Variants in GOLGA3 observed in about 807,000 individuals in gnomAD.
The protein encoded by GOLGA3 is golgin subfamily A member 3.
A neutral mutation model predicts 169.4 loss-of-function variants in GOLGA3; 75 were observed. The observed-to-expected ratio is 0.44, with a 90% confidence interval of 0.37 to 0.54. The LOEUF is 0.54. GOLGA3 is among the 20% of genes least tolerant of loss of function. The probability of loss-of-function intolerance (pLI) is 0.00; values close to 1 mark genes in which losing one functional copy is unlikely to be tolerated. For missense variants in GOLGA3, 1,899 were observed against 1,930.0 expected (o/e 0.98, Z 0.30); for synonymous variants, 824 against 822.4 (o/e 1.00, Z -0.03).
intron 4 of GOLGA3, among the ~76,000 whole-genome samples, chr12:132,811,476 A>ATT (rs202026810): frequency 5.3e-5 from 8 of 151,158 alleles, no homozygotes; most frequent in Admixed American, 2.0e-4. Context: ...TCATACTTGC[A>ATT]TTTTTATTTT....
intron 15 of GOLGA3, among the ~76,000 whole-genome samples, chr12:132,785,838 C>A (rs986718056): frequency 1.3e-5 from 2 of 152,232 alleles, no homozygotes; most frequent in African/African-American, 4.8e-5. Context: ...ACGGCCTCCA[C>A]GGAAGGCTCT....
In GOLGA3 at chr12:132,782,595, G is replaced by A; in HGVS notation, c.3268-102C>T. 4 of 928,850 alleles carry A rather than the reference G, an allele frequency of 4.3e-6. 1 individual carries two copies. Among genetic ancestry groups the A allele is most frequent in the South Asian group, 2.7e-5 (2 of 75,276 alleles). The allele number at this position is 928,850 out of a possible 1,614,324, so 57.5% of individuals were successfully genotyped here. A position where few individuals can be genotyped will look rare whatever the true frequency, so the allele number is the denominator to read the frequency against. ...TTCAACAAGAAACAGCGAAAACTTA[G>A]GCCAGGCGCAGAGGCTCACGCCTGT... On this transcript the variant is annotated intron_variant, in intron 16 of 23. Transcript: ENST00000450791.
At chr12:132,790,145 C>A (rs911991679) in intron 12 of GOLGA3, among the ~76,000 whole-genome samples, 1 of 151,936 alleles carries the variant, frequency 6.6e-6, no homozygotes, top group Non-Finnish European at 1.5e-5. Context: ...TCCTGGCTAA[C>A]ACGGTGAAAC....
intron 2 of GOLGA3, among the ~76,000 whole-genome samples, chr12:132,817,479 G>C (rs111953250): frequency 1.3e-4 from 4 of 31,554 alleles, no homozygotes; most frequent in African/African-American, 2.3e-4. Flanking sequence ...AGGTGAACCC[G>C]CCCTCCACTC....
At position 132,808,507 on chromosome 12, in the gene GOLGA3, C is replaced by T; in HGVS notation, c.562G>A (p.Asp188Asn). The change falls in exon 5 of 24, where the codon GAT becomes AAT. Residue 188 changes from aspartate to asparagine, a missense_variant. Transcript: ENST00000450791. Reference protein sequence around the residue: ...ATKTRLFSTLDPELMLNPENL... With the variant: ...ATKTRLFSTLNPELMLNPENL... ...TCTGGGTTTAACATGAGCTCAGGAT[C>T]AAGCGTGCTAAAAAGTCTCGTTTTG... The T allele has an allele frequency of 1.9e-6, 3 of 1,605,394 alleles. No homozygotes were observed. Among genetic ancestry groups the T allele is most frequent in the Non-Finnish European group, 2.6e-6 (3 of 1,175,558 alleles).
intron 11 of GOLGA3, among the ~76,000 whole-genome samples, chr12:132,792,646 C>T (rs576833099): frequency 3.3e-5 from 5 of 150,940 alleles, no homozygotes; most frequent in African/African-American, 7.3e-5. Context: ...ACAGACCGAC[C>T]GCACGGGACC....
chr12:132,819,090 G>T (rs1187839378), intron 2 of GOLGA3, among the ~76,000 whole-genome samples: 3 of 150,502 alleles, frequency 2.0e-5, no homozygotes, highest in Non-Finnish European at 4.4e-5. Flanking sequence ...ATGTGAGGGG[G>T]GAGGGAGGGT....
rs1443233652 is a variant in GOLGA3, at chr12:132,772,255, G to A, written c.*850C>T. On this transcript the variant is annotated 3_prime_UTR_variant, in exon 24 of 24. Coordinates refer to ENST00000450791, the MANE Select transcript of GOLGA3 (RefSeq NM_001389683.1). Reference sequence around the variant, plus strand: ...ATGAGCATATGCTTCTTAAAGACTGGGTGACAGGCCGGGCGCAGGGGCTCA... The same window carrying A: ...ATGAGCATATGCTTCTTAAAGACTGAGTGACAGGCCGGGCGCAGGGGCTCA... 6.6e-6 allele frequency: 1 copy of A among 152,156 alleles called. No homozygotes were observed. Among genetic ancestry groups the A allele is most frequent in the African/African-American group, 2.4e-5 (1 of 41,428 alleles). 9.4% of individuals were successfully genotyped at this position (152,156 alleles called of 1,614,324 possible). A position where few individuals can be genotyped will look rare whatever the true frequency, so the allele number is the denominator to read the frequency against.
At chr12:132,811,827 C>A (rs1949723459) in intron 4 of GOLGA3, 1 of 964,504 alleles carries the variant, frequency 1.0e-6, no homozygotes, top group Non-Finnish European at 1.2e-6. Context: ...TTTTATTGAT[C>A]TTCTTCTACT....
chr12:132,825,935 A>G (rs1238943141), intron 1 of GOLGA3: 12 of 952,314 alleles, frequency 1.3e-5, no homozygotes, highest in Non-Finnish European at 1.9e-5. Context: ...CGTGGTGACC[A>G]AGATGAAGAC....
chr12:132,824,226 A>G (rs1240735163), intron 1 of GOLGA3, among the ~76,000 whole-genome samples: 1 of 152,236 alleles, frequency 6.6e-6, no homozygotes. Flanking sequence ...CCCGTAAAAG[A>G]GGAAACCTAT....
intron 1 of GOLGA3, chr12:132,825,945 C>T (rs756323707): frequency 2.5e-5 from 24 of 945,798 alleles, no homozygotes; most frequent in South Asian, 1.7e-4. Context: ...AAGATGAAGA[C>T]GCAGAGGACC....
Position 132,773,034 on chromosome 12 carries a change from C to G in GOLGA3, c.*71G>C, listed in dbSNP as rs3741483. The G allele has an allele frequency of 0.83, 926,552 of 1,115,050 alleles. 389,570 individuals are homozygous for G. Among genetic ancestry groups the G allele is most frequent in the South Asian group, 0.9 (54,506 of 60,420 alleles). 69.1% of individuals were successfully genotyped at this position (1,115,050 alleles called of 1,614,324 possible). A position where few individuals can be genotyped will look rare whatever the true frequency, so the allele number is the denominator to read the frequency against. On this transcript the variant is annotated 3_prime_UTR_variant, in exon 24 of 24. Transcript: ENST00000450791. ...TTTCATGTCTTAGAAAAACATCGAC[C>G]ACACAATCAAATAAATAACATTGAT...
intron 18 of GOLGA3, among the ~76,000 whole-genome samples, chr12:132,779,138 T>C (rs1480235680): frequency 1.3e-5 from 2 of 152,016 alleles, no homozygotes; most frequent in Non-Finnish European, 2.9e-5. Context: ...TGGAGTGCAA[T>C]GGTGTGATCT....
At chr12:132,785,873 C>T (rs2045870881) in intron 15 of GOLGA3, among the ~76,000 whole-genome samples, 1 of 152,184 alleles carries the variant, frequency 6.6e-6, no homozygotes, top group African/African-American at 2.4e-5. Context: ...AGAAAGGGCA[C>T]CCGCTTGTTC....
intron 6 of GOLGA3, among the ~76,000 whole-genome samples, chr12:132,805,829 G>A (rs929333434): frequency 2.6e-5 from 4 of 152,250 alleles, no homozygotes; most frequent in Non-Finnish European, 1.5e-5. Flanking sequence ...GTACACGGGT[G>A]CACATGTATG....
At chr12:132,806,466 C>A (rs1233916409) in intron 6 of GOLGA3, among the ~76,000 whole-genome samples, 1 of 152,214 alleles carries the variant, frequency 6.6e-6, no homozygotes, top group Non-Finnish European at 1.5e-5. Flanking sequence ...TGTCCAAGGA[C>A]CATGTTGTAT....
Position 132,822,432 on chromosome 12 carries a change from T to C in GOLGA3, c.-183-121A>G, listed in dbSNP as rs147759394. The C allele has an allele frequency of 7.0e-4, 403 of 573,552 alleles. 2 individuals carry two copies. In the African/African-American group the frequency reaches 7.2e-3, roughly 10 times the overall value. The allele number at this position is 573,552 out of a possible 1,614,324, so 35.5% of individuals were successfully genotyped here. On this transcript the variant is annotated intron_variant, in intron 1 of 23. Transcript: ENST00000450791. Reference sequence around the variant, plus strand: ...AAGAAACAAATACAAACTTTTTCATTCAGCAAATAATCCTGGAGCACCCAC... The same window carrying C: ...AAGAAACAAATACAAACTTTTTCATCCAGCAAATAATCCTGGAGCACCCAC...
chr12:132,821,607 T>C (rs1950215880), intron 2 of GOLGA3, among the ~76,000 whole-genome samples: 2 of 152,154 alleles, frequency 1.3e-5, no homozygotes, highest in East Asian at 1.9e-4. Context: ...TCCCAGCACT[T>C]TGAGGCTGAG....
Sources: allele counts gnomAD v4.1 joint callset (sites outside exome capture counted in the v4.1 genomes callset), GRCh38; gene constraint gnomAD v4.1.1; transcripts MANE v1.5; gene names NCBI Gene and HGNC (gene_info 2026-07-23, HGNC 2026-07-21).